NCAM2: variants seen among roughly 807,000 people sequenced by gnomAD.
The protein encoded by NCAM2 is N-CAM-2.
In NCAM2, 30 loss-of-function variants were observed where a neutral mutation model predicts 98.1. The observed-to-expected ratio is 0.31, with a 90% CI of 0.23 to 0.41. The LOEUF (loss-of-function observed/expected upper bound fraction) is 0.41, where lower values mean the gene tolerates loss of function less well. Ranked by LOEUF, NCAM2 falls within the 10% of genes least tolerant of loss-of-function variation. The pLI is 1.00. For missense variants in NCAM2, 867 were observed against 1,005.8 expected (o/e 0.86, Z 1.87); for synonymous variants, 368 against 342.4 (o/e 1.07, Z -0.83).
chr21:21,420,920 G>C (rs2077097918), intron 11 of NCAM2, among the ~76,000 whole-genome samples: 1 of 151,844 alleles, frequency 6.6e-6, no homozygotes, highest in Non-Finnish European at 1.5e-5. Flanking sequence ...AGAATCAACT[G>C]TACTAATAAG....
intron 1 of NCAM2, among the ~76,000 whole-genome samples, chr21:21,200,490 A>G (rs1042608111): frequency 3.9e-5 from 6 of 152,118 alleles, no homozygotes; most frequent in Admixed American, 6.6e-5. Context: ...ACGTTTAAGA[A>G]ATAAAGAAGA....
At chr21:21,086,446 T>C (rs2065907074) in intron 1 of NCAM2, among the ~76,000 whole-genome samples, 1 of 152,182 alleles carries the variant, frequency 6.6e-6, no homozygotes, top group Non-Finnish European at 1.5e-5. Context: ...GACTATATGA[T>C]TGGCAGAATC....
chr21:21,377,107 A>C (rs1035662321), intron 9 of NCAM2, among the ~76,000 whole-genome samples: 2 of 151,780 alleles, frequency 1.3e-5, no homozygotes, highest in Admixed American at 1.3e-4. Flanking sequence ...TTTTTCCAAA[A>C]TGAAACATTC....
intron 9 of NCAM2, among the ~76,000 whole-genome samples, chr21:21,391,393 G>T (rs947586855): frequency 3.9e-5 from 6 of 152,180 alleles, no homozygotes; most frequent in Admixed American, 1.3e-4. Context: ...GAAAATATGT[G>T]TCATAGATAG....
In NCAM2 at chr21:21,293,633, A is replaced by T. The variant is rs1305110413; in HGVS notation, c.619+1392A>T. ...GCGGGAGGAAGATTTCAGTGCATAA[A>T]GGATAGGTTTAAATAGGGAGATGTC... On this transcript the variant is annotated intron_variant, in intron 5 of 17. Coordinates refer to ENST00000400546, the MANE Select transcript of NCAM2 (RefSeq NM_004540.5). Among the ~76,000 whole-genome samples the T allele has an allele frequency of 2.1e-5, 3 of 146,228 alleles. No individual in the cohort carries two copies. In the Admixed American group the frequency reaches 2.1e-4, roughly 10 times the overall value.
intron 15 of NCAM2, among the ~76,000 whole-genome samples, chr21:21,497,787 G>A (rs767882493): frequency 2.2e-4 from 34 of 152,060 alleles, no homozygotes; most frequent in Non-Finnish European, 4.3e-4. Flanking sequence ...AGACTGTTCA[G>A]CAAAGTACAC....
intron 1 of NCAM2, among the ~76,000 whole-genome samples, chr21:20,999,725 G>A (rs776104320): frequency 1.4e-4 from 21 of 152,166 alleles, no homozygotes; most frequent in Admixed American, 5.9e-4. Flanking sequence ...TCAGTTCTAA[G>A]CATTTTTAGC....
At chr21:21,278,313 C>T (rs566529017) in intron 1 of NCAM2, among the ~76,000 whole-genome samples, 1 of 152,148 alleles carries the variant, frequency 6.6e-6, no homozygotes, top group East Asian at 1.9e-4. Context: ...ATTCAAGCTT[C>T]TTATAAGGGC....
At chr21:21,276,405 A>T (rs1340179725) in intron 1 of NCAM2, among the ~76,000 whole-genome samples, 2 of 152,088 alleles carry the variant, frequency 1.3e-5, no homozygotes, top group African/African-American at 4.8e-5. Flanking sequence ...TTTGGGAATT[A>T]TTCACAGAGA....
chr21:21,423,008 C>T lies in NCAM2; in HGVS notation c.1480+4439C>T, dbSNP rs558787809. On this transcript the variant is annotated intron_variant, in intron 11 of 17. Transcript: ENST00000400546. ...ATTTCTTTTCTTAAAAAATCATTACCCTACATTTTAAATATTATTATCAAG... is the reference window on the plus strand; with the variant it reads ...ATTTCTTTTCTTAAAAAATCATTACTCTACATTTTAAATATTATTATCAAG... Among the ~76,000 whole-genome samples, 6 of 151,914 alleles carry T rather than the reference C, an allele frequency of 3.9e-5. No homozygotes were observed. The South Asian group carries it at 1.2e-3, about 32-fold the overall frequency.
chr21:21,245,021 G>A (rs573222404), intron 1 of NCAM2, among the ~76,000 whole-genome samples: 1 of 151,948 alleles, frequency 6.6e-6, no homozygotes, highest in Non-Finnish European at 1.5e-5. Context: ...TATTCAAGGG[G>A]GTATACACAC....
At chr21:21,532,241 A>AAATAT (rs1437295347) in intron 16 of NCAM2, among the ~76,000 whole-genome samples, 1 of 152,044 alleles carries the variant, frequency 6.6e-6, no homozygotes, top group Non-Finnish European at 1.5e-5. Flanking sequence ...AGACAACTCT[A>AAATAT]AATATTCTTT....
chr21:21,411,045 T>C (rs1332314542), intron 10 of NCAM2, among the ~76,000 whole-genome samples: 1 of 52,966 alleles, frequency 1.9e-5, no homozygotes, highest in African/African-American at 6.6e-5. Flanking sequence ...CACATATATA[T>C]ATGTGTGTGT....
intron 1 of NCAM2, among the ~76,000 whole-genome samples, chr21:21,212,486 A>G (rs1470222231): frequency 6.6e-6 from 1 of 152,154 alleles, no homozygotes; most frequent in African/African-American, 2.4e-5. Context: ...GCCTGTGACT[A>G]TGGTGGTAGA....
intron 15 of NCAM2, among the ~76,000 whole-genome samples, chr21:21,497,163 C>T (rs1987299418): frequency 1.3e-5 from 2 of 152,020 alleles, no homozygotes; most frequent in South Asian, 4.1e-4. Context: ...AAGTATTGAG[C>T]ACACATGGAC....
chr21:21,349,203 A>T (rs2147930816), intron 8 of NCAM2, among the ~76,000 whole-genome samples: 1 of 152,302 alleles, frequency 6.6e-6, no homozygotes, highest in Middle Eastern at 3.4e-3. Context: ...ATTAACCAGA[A>T]TATATATGGA....
At chr21:21,303,516 T>G (rs1480034948) in intron 5 of NCAM2, among the ~76,000 whole-genome samples, 1 of 152,092 alleles carries the variant, frequency 6.6e-6, no homozygotes, top group African/African-American at 2.4e-5. Context: ...TTCTTACCCA[T>G]TCACCAAAAT....
intron 8 of NCAM2, among the ~76,000 whole-genome samples, chr21:21,356,997 A>ATAAATAAG (rs1002854184): frequency 6.7e-6 from 1 of 149,474 alleles, no homozygotes; most frequent in African/African-American, 2.4e-5. Context: ...CAATAAATAA[A>ATAAATAAG]TAAATAAATA....
chr21:21,430,403 T>TATATATATATATATATA (rs71195328), intron 11 of NCAM2, among the ~76,000 whole-genome samples: 61 of 146,602 alleles, frequency 4.2e-4, no homozygotes, highest in East Asian at 9.0e-4. Context: ...TTTATATATA[T>TATATATATATATATATA]TAGCCCATTC....
Sources: gnomAD v4.1 joint callset for allele counts (sites outside exome capture counted in the v4.1 genomes callset) on GRCh38, gnomAD v4.1.1 for gene constraint, MANE v1.5 for transcripts, NCBI Gene and HGNC (gene_info 2026-07-23, HGNC 2026-07-21) for gene names.